The following STON2 variants were observed in gnomAD, a reference collection of about 807,000 sequenced individuals.
STON2 encodes stonin 2, also known as stonin-2.
A neutral mutation model predicts 65.7 loss-of-function variants in STON2; 29 were observed. The observed-to-expected ratio is 0.44, with a 90% CI of 0.33 to 0.60. The LOEUF is 0.60. Among genes scored for constraint, STON2 ranks in the 20% least tolerant of loss-of-function variants. STON2 has a pLI of 0.03. For synonymous variants in STON2, 404 were observed against 414.2 expected, an observed-to-expected ratio of 0.98 and a Z score of 0.30; for missense variants, 1,054 against 1,118.1, an observed-to-expected ratio of 0.94 and a Z score of 0.82.
intron 2 of STON2, among the ~76,000 whole-genome samples, chr14:81,415,820 C>A (rs1288049288): frequency 2.0e-5 from 3 of 151,786 alleles, no homozygotes; most frequent in Non-Finnish European, 4.4e-5. Flanking sequence ...CCAAAAAAAT[C>A]ATAATATTTT....
intron 5 of STON2, among the ~76,000 whole-genome samples, chr14:81,307,031 G>A (rs1225145695): frequency 6.6e-6 from 1 of 152,210 alleles, no homozygotes; most frequent in Non-Finnish European, 1.5e-5. Flanking sequence ...CAAGCATGGG[G>A]AGGTGCACAC....
At chr14:81,390,126 C>T (rs1392992427) in intron 3 of STON2, among the ~76,000 whole-genome samples, 1 of 151,520 alleles carries the variant, frequency 6.6e-6, no homozygotes, top group Non-Finnish European at 1.5e-5. Context: ...AGGAGAATCA[C>T]TTGAACCCAG....
intron 5 of STON2, among the ~76,000 whole-genome samples, chr14:81,285,223 A>G (rs1277421480): frequency 3.3e-5 from 5 of 152,220 alleles, no homozygotes; most frequent in African/African-American, 1.2e-4. Context: ...CCTCTGATGG[A>G]TTGGGGCAAA....
intron 2 of STON2, chr14:81,413,094 T>G: frequency 8.8e-7 from 1 of 1,137,642 alleles, no homozygotes; most frequent in Non-Finnish European, 1.3e-6. Context: ...GTGGCTCATA[T>G]CAAGAAGGAA....
At chr14:81,345,164 T>C (rs1173566821) in intron 4 of STON2, among the ~76,000 whole-genome samples, 6 of 152,166 alleles carry the variant, frequency 3.9e-5, no homozygotes, top group Admixed American at 6.5e-5. Context: ...TTGGGCAGGG[T>C]TGGGAGGAAA....
chr14:81,286,396 A>G (rs1595294913), intron 5 of STON2, among the ~76,000 whole-genome samples: 1 of 152,120 alleles, frequency 6.6e-6, no homozygotes. Context: ...GGCCATTCCA[A>G]CCCTCAGCAG....
chr14:81,384,947 G>A (rs10147416), intron 3 of STON2, among the ~76,000 whole-genome samples: 37,444 of 151,974 alleles, frequency 0.25, 6,644 homozygotes, highest in African/African-American at 0.48. Flanking sequence ...ATAGCTGGCA[G>A]TATGAAGCAG....
In STON2 at chr14:81,398,384, C is replaced by T. The variant is rs758780720; in HGVS notation, c.-2G>A. 1 of 1,613,472 alleles carries T rather than the reference C, an allele frequency of 6.2e-7. No individual in the cohort carries two copies. Among genetic ancestry groups the T allele is most frequent in the Non-Finnish European group, 8.5e-7 (1 of 1,179,508 alleles). On this transcript the variant is annotated 5_prime_UTR_variant, in exon 2 of 8. Coordinates refer to ENST00000614646, the MANE Select transcript of STON2 (RefSeq NM_001394390.1). The stretch of plus-strand genomic sequence containing the variant: ...AATCACATGGTCCAAAGTCGTCATG[C>T]TAAAAAGGCACTGGTCATCTTCACA...
At chr14:81,435,061 A>C (rs900968719) in intron 1 of STON2, among the ~76,000 whole-genome samples, 5 of 152,334 alleles carry the variant, frequency 3.3e-5, no homozygotes, top group African/African-American at 1.2e-4. Flanking sequence ...CAGCCATGCT[A>C]CTGAAAGGTG....
chr14:81,280,222 G>A (rs1378801941), intron 5 of STON2, among the ~76,000 whole-genome samples: 1 of 152,170 alleles, frequency 6.6e-6, no homozygotes, highest in East Asian at 1.9e-4. Flanking sequence ...TTTGATGAGG[G>A]CAAGATCTAA....
chr14:81,308,781 C>CACATATATAT (rs1317324049), intron 5 of STON2, among the ~76,000 whole-genome samples: 11 of 9,128 alleles, frequency 1.2e-3, no homozygotes, highest in Admixed American at 2.8e-3. Context: ...TGGTTTTACC[C>CACATATATAT]ATATATATAT....
chr14:81,275,636 A>C (rs1894784174), intron 6 of STON2, among the ~76,000 whole-genome samples: 1 of 152,150 alleles, frequency 6.6e-6, no homozygotes, highest in African/African-American at 2.4e-5. Flanking sequence ...GGTTTTAAAA[A>C]TTCTGTCAGT....
In STON2 at chr14:81,396,079, T is replaced by C. The variant is rs1257729179; in HGVS notation, c.188A>G (p.His63Arg). The C allele has an allele frequency of 6.2e-7, 1 of 1,614,162 alleles. No homozygotes were observed. The change falls in exon 3 of 8, where the codon CAT becomes CGT. Residue 63 changes from histidine (H) to arginine (R), a missense_variant. Transcript: ENST00000614646. The stretch of plus-strand genomic sequence containing the variant: ...GGAGTCATCCTGCTCCGAGTGGGAA[T>C]GGTCTTGAGAGCCTCCATCCACCAC... ...NHVVDGGSQD[H>R]SHSEQDDSSE...
At chr14:81,297,155 C>T (rs1895793392) in intron 5 of STON2, among the ~76,000 whole-genome samples, 1 of 152,114 alleles carries the variant, frequency 6.6e-6, no homozygotes, top group Non-Finnish European at 1.5e-5. Context: ...AATCTACCAC[C>T]GCTGCCTCCA....
intron 5 of STON2, among the ~76,000 whole-genome samples, chr14:81,317,229 A>G (rs1896658296): frequency 6.6e-6 from 1 of 152,110 alleles, no homozygotes; most frequent in Non-Finnish European, 1.5e-5. Context: ...TGAGTGAACA[A>G]ATAGAGGGAG....
At chr14:81,388,885 A>T (rs2140418029) in intron 3 of STON2, among the ~76,000 whole-genome samples, 1 of 152,298 alleles carries the variant, frequency 6.6e-6, no homozygotes, top group South Asian at 2.1e-4. Flanking sequence ...ATGTTCAGGT[A>T]TAAAACAGCT....
At chr14:81,362,008 G>A (rs765942538) in intron 4 of STON2, among the ~76,000 whole-genome samples, 9 of 152,134 alleles carry the variant, frequency 5.9e-5, no homozygotes, top group African/African-American at 1.9e-4. Flanking sequence ...TGGTGAGGAT[G>A]TGGAGAAAAG....
intron 5 of STON2, among the ~76,000 whole-genome samples, chr14:81,306,333 G>A (rs934010015): frequency 9.8e-5 from 14 of 143,568 alleles, no homozygotes; most frequent in Non-Finnish European, 1.6e-4. Context: ...GGGTTCAAGT[G>A]ATTCTCGTGT....
chr14:81,394,977 T>G (rs1010642660), intron 3 of STON2: 3 of 152,142 alleles, frequency 2.0e-5, no homozygotes, highest in African/African-American at 7.2e-5. Context: ...GCTTATCCAA[T>G]CACCTGTGGC....
Sources: gnomAD v4.1 joint callset for allele counts (sites outside exome capture counted in the v4.1 genomes callset) on GRCh38, gnomAD v4.1.1 for gene constraint, MANE v1.5 for transcripts, NCBI Gene and HGNC (gene_info 2026-07-23, HGNC 2026-07-21) for gene names.